UGT1A4: variants seen among roughly 807,000 people sequenced by gnomAD.
The protein encoded by UGT1A4 is UDP glucuronosyltransferase family 1 member A4.
Under a neutral mutation model 41.1 loss-of-function variants are expected in UGT1A4, and 32 were observed. The observed-to-expected ratio is 0.78, with a 90% CI of 0.59 to 1.05. The LOEUF (loss-of-function observed/expected upper bound fraction) is 1.05, where lower values mean the gene tolerates loss of function less well. UGT1A4 is among the 50% of genes least tolerant of loss of function. The pLI is 0.00. For synonymous variants in UGT1A4, 283 were observed against 265.1 expected, an observed-to-expected ratio of 1.07 and a Z score of -0.66; for missense variants, 748 against 677.4, an observed-to-expected ratio of 1.10 and a Z score of -1.16.
chr2:233,729,216 G>C, intron 1 of UGT1A4: 1 of 1,614,144 alleles, frequency 6.2e-7, no homozygotes, highest in Non-Finnish European at 8.5e-7. Flanking sequence ...AGAGTGGAAA[G>C]GTGTTGGTGG....
At chr2:233,729,011 T>C (rs1409694285) in intron 1 of UGT1A4, 2 of 1,584,574 alleles carry the variant, frequency 1.3e-6, no homozygotes, top group African/African-American at 1.3e-5. Context: ...CACTCTGTCT[T>C]CCAATTACAC....
At chr2:233,748,838 CTG>C (rs774126450) in intron 1 of UGT1A4, among the ~76,000 whole-genome samples, 8 of 151,472 alleles carry the variant, frequency 5.3e-5, no homozygotes, top group African/African-American at 2.0e-4. Flanking sequence ...GGAGATAAAA[CTG>C]TGAGCGTATA....
At chr2:233,724,313 C>A (rs1238022468) in intron 1 of UGT1A4, among the ~76,000 whole-genome samples, 22 of 136,830 alleles carry the variant, frequency 1.6e-4, no homozygotes, top group Non-Finnish European at 2.9e-4. Context: ...CCCTCCCGGA[C>A]GGGGCGGCTG....
At chr2:233,720,018 G>C (rs2076822730) in intron 1 of UGT1A4, among the ~76,000 whole-genome samples, 1 of 152,130 alleles carries the variant, frequency 6.6e-6, no homozygotes, top group Middle Eastern at 3.2e-3. Flanking sequence ...ATCCATCCTG[G>C]GGTTTTTGCT....
chr2:233,755,312 G>C (rs976147893), intron 1 of UGT1A4: 6 of 551,356 alleles, frequency 1.1e-5, no homozygotes, highest in Middle Eastern at 4.3e-4. Flanking sequence ...CACAGCGAGC[G>C]GCAAGGCTGC....
intron 1 of UGT1A4, chr2:233,743,605 G>A (rs376857469): frequency 9.1e-5 from 125 of 1,367,170 alleles, no homozygotes; most frequent in Middle Eastern, 2.1e-4. Context: ...CCTGGCCGCC[G>A]AAGAACTCCC....
chr2:233,754,919 G>C, intron 1 of UGT1A4: 9 of 1,353,338 alleles, frequency 6.7e-6, no homozygotes, highest in Non-Finnish European at 8.9e-6. Context: ...TCTCCAGCGG[G>C]TTTCCCAAGA....
At chr2:233,723,514 A>G (rs2077090409) in intron 1 of UGT1A4, among the ~76,000 whole-genome samples, 1 of 107,644 alleles carries the variant, frequency 9.3e-6, no homozygotes, top group Non-Finnish European at 1.8e-5. Context: ...CTGGTCAACA[A>G]TCTTTTTTTT....
At chr2:233,744,211 G>A (rs1692734898) in intron 1 of UGT1A4, among the ~76,000 whole-genome samples, 1 of 151,828 alleles carries the variant, frequency 6.6e-6, no homozygotes, top group African/African-American at 2.4e-5. Context: ...GGGAAAAAGA[G>A]GTTGGGGAAA....
chr2:233,747,307 C>T (rs1472274155), intron 1 of UGT1A4: 68 of 1,602,316 alleles, frequency 4.2e-5, no homozygotes, highest in Admixed American at 3.8e-4. Flanking sequence ...TGGGAAGGTG[C>T]TGGTGGTACC....
chr2:233,770,051 A>G (rs1483114372), intron 4 of UGT1A4: 1 of 154,750 alleles, frequency 6.5e-6, no homozygotes, highest in Non-Finnish European at 1.4e-5. Flanking sequence ...CTTGAGGCTC[A>G]CATTATGGAT....
intron 1 of UGT1A4, chr2:233,747,152 G>T: frequency 1.3e-6 from 2 of 1,577,610 alleles, no homozygotes; most frequent in Non-Finnish European, 1.7e-6. Flanking sequence ...TTAAGATGAA[G>T]AAAACAAATG....
chr2:233,772,436 T>G lies in UGT1A4; in HGVS notation c.1482T>G (p.Gly494=). 6.2e-7 allele frequency: 1 copy of G among 1,614,180 alleles called. No individual in the cohort carries two copies. Among genetic ancestry groups the G allele is most frequent in the Non-Finnish European group, 8.5e-7 (1 of 1,180,036 alleles). Residue 494 remains glycine, a synonymous_variant, in exon 5 of 5, where the codon GGT becomes GGG. Coordinates refer to ENST00000373409, the MANE Select transcript of UGT1A4 (RefSeq NM_007120.3). ...AGTACCATTCCTTGGACGTGATTGGTTTCCTCTTGGCCGTCGTGCTGACAG... is the reference window on the plus strand; with the variant it reads ...AGTACCATTCCTTGGACGTGATTGGGTTCCTCTTGGCCGTCGTGCTGACAG... ...WYQYHSLDVI[G]FLLAVVLTVA...
chr2:233,747,006 G>A (rs563411016), intron 1 of UGT1A4, among the ~76,000 whole-genome samples: 4 of 151,972 alleles, frequency 2.6e-5, no homozygotes, highest in Admixed American at 2.0e-4. Flanking sequence ...TTTTCAAGTA[G>A]GAGTGATCGG....
chr2:233,755,353 G>C (rs1323397761), intron 1 of UGT1A4: 2 of 385,742 alleles, frequency 5.2e-6, no homozygotes, highest in Non-Finnish European at 9.5e-6. Context: ...GAGGCTTGGC[G>C]ACCTGGGCCG....
At position 233,769,327 on chromosome 2, in the gene UGT1A4, G is replaced by C. The variant is rs1477763656; in HGVS notation, c.1307+888G>C. The stretch of plus-strand genomic sequence containing the variant: ...TTACTGTCAAGCTCACTGGTAATAG[G>C]CTTATTAGAACCTTATGGGAAGAAG... On this transcript the variant is annotated intron_variant, in intron 4 of 4. Transcript: ENST00000373409. The surrounding 1 kb of genome is among the most constrained non-coding windows in gnomAD (Gnocchi z 4.4). 6.6e-6 allele frequency among the ~76,000 whole-genome samples: 1 copy of C among 152,234 alleles called. No homozygotes were observed. The highest frequency in any genetic ancestry group is 1.5e-5 in the Non-Finnish European group (1 of 68,042).
chr2:233,729,695 C>A, intron 1 of UGT1A4: 1 of 1,613,928 alleles, frequency 6.2e-7, no homozygotes, highest in South Asian at 1.1e-5. Flanking sequence ...TGTCCAAACC[C>A]TTCCTCCTAT....
rs62191902 is a variant in UGT1A4, at chr2:233,724,813, C to G, written c.867+5126C>G. On this transcript the variant is annotated intron_variant, in intron 1 of 4. Coordinates refer to ENST00000373409, the MANE Select transcript of UGT1A4 (RefSeq NM_007120.3). ...AGACGGGGTGGCGGCCGGGCAGAGG[C>G]TGCAATCTCGGCACTTTGGGAGGCC... Among the ~76,000 whole-genome samples, 218 of 137,754 alleles carry G rather than the reference C, an allele frequency of 1.6e-3. 8 individuals carry two copies. The highest frequency in any genetic ancestry group is 2.4e-3 in the Non-Finnish European group (154 of 64,732). 90.4% of individuals were successfully genotyped at this position (137,754 alleles called of 152,430 possible).
intron 1 of UGT1A4, among the ~76,000 whole-genome samples, chr2:233,724,108 C>G (rs1455095780): frequency 1.8e-5 from 1 of 55,862 alleles, no homozygotes. Flanking sequence ...TAGGGGCGGC[C>G]GGGCAGAGGC....
Sources: allele counts gnomAD v4.1 joint callset (sites outside exome capture counted in the v4.1 genomes callset), GRCh38; gene constraint gnomAD v4.1.1; non-coding constraint Gnocchi (gnomAD v3.1); transcripts MANE v1.5; gene names NCBI Gene and HGNC (gene_info 2026-07-23, HGNC 2026-07-21).